Variants in ZBTB40 observed in about 807,000 individuals in gnomAD.
ZBTB40 encodes the protein zinc finger and BTB domain-containing protein 40.
In ZBTB40, 60 loss-of-function variants were observed where a neutral mutation model predicts 117.5. The observed-to-expected ratio is 0.51, with a 90% CI of 0.41 to 0.63. The LOEUF is 0.63. Among genes scored for constraint, ZBTB40 ranks in the 30% least tolerant of loss-of-function variants. The pLI is 0.00. For missense variants in ZBTB40, 1,287 were observed against 1,498.5 expected (o/e 0.86, Z 2.33); for synonymous variants, 525 against 577.1 (o/e 0.91, Z 1.29).
chr1:22,504,039 G>A (rs1639016840), intron 5 of ZBTB40, among the ~76,000 whole-genome samples: 1 of 152,222 alleles, frequency 6.6e-6, no homozygotes, highest in African/African-American at 2.4e-5. Flanking sequence ...AAGCAGAAGA[G>A]CTTAAATTAG....
In ZBTB40 at chr1:22,511,253, A is replaced by G. The variant is rs1490703204; in HGVS notation, c.1908A>G (p.Lys636=). 1.2e-6 allele frequency: 2 copies of G among 1,613,900 alleles called. No homozygotes were observed. Among genetic ancestry groups the G allele is most frequent in the Non-Finnish European group, 1.7e-6 (2 of 1,180,032 alleles). Residue 636 remains lysine, a synonymous_variant, in exon 10 of 18, where the codon AAA becomes AAG. Coordinates refer to ENST00000375647, the MANE Select transcript of ZBTB40 (RefSeq NM_014870.4). ...LRAVLSRAME[K]SVPAIEICHL... is the part of the protein sequence containing the mutation. Reference sequence around the variant, plus strand: ...CAGTGCTGAGCAGAGCCATGGAAAAATCAGTCCCGGCCATTGAAATATGCC... The same window carrying G: ...CAGTGCTGAGCAGAGCCATGGAAAAGTCAGTCCCGGCCATTGAAATATGCC...
intron 1 of ZBTB40, among the ~76,000 whole-genome samples, chr1:22,475,579 A>G (rs1267001): frequency 0.72 from 109,913 of 152,108 alleles, 40,981 homozygotes; most frequent in East Asian, 0.9. Context: ...TGTTGAAATT[A>G]AACCTTGAAA....
chr1:22,429,993 G>A (rs1424876786), intron 1 of ZBTB40, among the ~76,000 whole-genome samples: 11 of 152,082 alleles, frequency 7.2e-5, no homozygotes, highest in Admixed American at 5.9e-4. Context: ...GTGAAACTCC[G>A]TCTCAAAAAA....
In ZBTB40 at chr1:22,490,552, A is replaced by G. The variant is rs759231296; in HGVS notation, c.604A>G (p.Thr202Ala). The G allele has an allele frequency of 6.2e-7, 1 of 1,612,434 alleles. No individual in the cohort carries two copies. The highest frequency in any genetic ancestry group is 1.7e-5 in the Admixed American group (1 of 59,708). The change falls in exon 2 of 18, where the codon ACC (threonine) becomes GCC (alanine). Residue 202 changes from threonine (T) to alanine (A), a missense_variant. Thr to Ala is a moderately conservative substitution (Grantham distance 58). Transcript: ENST00000375647. ...CCAGGAGAGCCAGAGGAATGCAGAA[A>G]CCCCAGCGGAGACTCCTACTACAGC... ...TAQESQRNAE[T>A]PAETPTTAEA...
chr1:22,519,860 A>G (rs992795523), intron 13 of ZBTB40, among the ~76,000 whole-genome samples: 1 of 152,074 alleles, frequency 6.6e-6, no homozygotes, highest in East Asian at 1.9e-4. Context: ...GAGGAATCCC[A>G]CCTCCTAGGA....
intron 1 of ZBTB40, among the ~76,000 whole-genome samples, chr1:22,437,780 T>C (rs891208185): frequency 6.6e-6 from 1 of 151,692 alleles, no homozygotes; most frequent in Non-Finnish European, 1.5e-5. Flanking sequence ...ACAATCATAA[T>C]GTTGTGCAAC....
intron 1 of ZBTB40, among the ~76,000 whole-genome samples, chr1:22,442,911 G>C (rs1375922768): frequency 6.6e-6 from 1 of 152,118 alleles, no homozygotes; most frequent in African/African-American, 2.4e-5. Flanking sequence ...TATTTTGATG[G>C]TGTGTAAGTG....
chr1:22,511,531 A>G, intron 10 of ZBTB40, 145 bp from the exon 11 acceptor site: 6 of 1,237,510 alleles, frequency 4.8e-6, no homozygotes, highest in Non-Finnish European at 6.7e-6. Flanking sequence ...TTTATTGGAA[A>G]GTAAGGAGGA....
intron 14 of ZBTB40, among the ~76,000 whole-genome samples, 168 bp from the exon 15 acceptor site, chr1:22,521,328 C>A (rs1639518533): frequency 6.6e-6 from 1 of 152,198 alleles, no homozygotes; most frequent in East Asian, 1.9e-4. Flanking sequence ...CTTATTCTCA[C>A]AAACACCAGG....
chr1:22,472,343 C>A (rs1301358291), intron 1 of ZBTB40, among the ~76,000 whole-genome samples: 1 of 152,112 alleles, frequency 6.6e-6, no homozygotes, highest in African/African-American at 2.4e-5. Flanking sequence ...GCCACCACAC[C>A]TGGCTAATTT....
intron 16 of ZBTB40, among the ~76,000 whole-genome samples, chr1:22,523,145 G>A (rs1346841800): frequency 6.6e-6 from 1 of 151,558 alleles, no homozygotes; most frequent in African/African-American, 2.4e-5. Flanking sequence ...TAGAGACGGG[G>A]TTTCATCATG....
chr1:22,486,591 T>G (rs1638474103), intron 1 of ZBTB40, among the ~76,000 whole-genome samples: 1 of 152,204 alleles, frequency 6.6e-6, no homozygotes, highest in Non-Finnish European at 1.5e-5. Flanking sequence ...GGGACCCCTA[T>G]GACTGAGTCC....
At chr1:22,524,748 C>T (rs1276540493) in intron 17 of ZBTB40, among the ~76,000 whole-genome samples, 2 of 152,206 alleles carry the variant, frequency 1.3e-5, no homozygotes, top group Non-Finnish European at 2.9e-5. Context: ...TGCGGGAAAC[C>T]TCGGAGACAG....
chr1:22,479,132 A>G (rs1007696998), intron 1 of ZBTB40, among the ~76,000 whole-genome samples: 1 of 152,198 alleles, frequency 6.6e-6, no homozygotes, highest in Non-Finnish European at 1.5e-5. Context: ...TTCAGTCTTC[A>G]TTATAAGAAA....
intron 1 of ZBTB40, among the ~76,000 whole-genome samples, chr1:22,457,635 G>A (rs1419845726): frequency 2.0e-5 from 3 of 152,108 alleles, no homozygotes; most frequent in Non-Finnish European, 4.4e-5. Flanking sequence ...TAGAAACAAA[G>A]GATTATAACT....
At chr1:22,460,065 T>TC (rs1247394538) in intron 1 of ZBTB40, among the ~76,000 whole-genome samples, 2 of 152,196 alleles carry the variant, frequency 1.3e-5, no homozygotes, top group Non-Finnish European at 2.9e-5. Flanking sequence ...CCTTGATACC[T>TC]CCCCCCTTAA....
At chr1:22,451,080 A>C (rs1225259321), upstream of ZBTB40, among the ~76,000 whole-genome samples, 2 of 152,224 alleles carry the variant, frequency 1.3e-5, no homozygotes, top group African/African-American at 4.8e-5. Context: ...AAAATGAGCA[A>C]AAGAAAAGCT....
At chr1:22,447,351 C>T (rs192560920), upstream of ZBTB40, among the ~76,000 whole-genome samples, 2 of 152,214 alleles carry the variant, frequency 1.3e-5, no homozygotes, top group Non-Finnish European at 2.9e-5. Flanking sequence ...TGGACTTTGG[C>T]TGTGGACCTG....
intron 1 of ZBTB40, among the ~76,000 whole-genome samples, chr1:22,432,370 G>C (rs1156983614): frequency 1.3e-5 from 2 of 152,140 alleles, no homozygotes; most frequent in East Asian, 1.9e-4. Context: ...CCCTTCCTTG[G>C]GTACACTCAG....
Sources: gnomAD v4.1 joint callset for allele counts (sites outside exome capture counted in the v4.1 genomes callset) on GRCh38, gnomAD v4.1.1 for gene constraint, MANE v1.5 for transcripts, NCBI Gene and HGNC (gene_info 2026-07-23, HGNC 2026-07-21) for gene names.